MEF2A: variants seen among roughly 807,000 people sequenced by gnomAD.
MEF2A encodes myocyte-specific enhancer factor 2A.
MEF2A carries 28 observed loss-of-function variants against 55.8 expected under a neutral mutation model. That is an observed-to-expected ratio of 0.50 (90% confidence interval 0.37 to 0.69). The LOEUF is 0.69. Among genes scored for constraint, MEF2A ranks in the 30% least tolerant of loss-of-function variants. The probability of loss-of-function intolerance (pLI) is 0.00; values close to 1 mark genes in which losing one functional copy is unlikely to be tolerated. For synonymous variants in MEF2A, 239 were observed against 227.1 expected (o/e 1.05, Z -0.47); for missense variants, 528 against 626.2 (o/e 0.84, Z 1.67).
At chr15:99,597,078 G>T (rs1439065658) in intron 1 of MEF2A, among the ~76,000 whole-genome samples, 5 of 152,178 alleles carry the variant, frequency 3.3e-5, no homozygotes, top group Non-Finnish European at 7.4e-5. Flanking sequence ...AGTATGAAAT[G>T]TGGGCACCTT....
At chr15:99,575,968 T>A (rs927974100) in intron 1 of MEF2A, among the ~76,000 whole-genome samples, 1 of 152,384 alleles carries the variant, frequency 6.6e-6, no homozygotes, top group Admixed American at 6.5e-5. Flanking sequence ...TGTTTTAACA[T>A]GCCCCCATCA....
In MEF2A at chr15:99,593,655, C is replaced by G. The variant is rs748352671; in HGVS notation, c.-224-4775C>G. On this transcript the variant is annotated intron_variant, in intron 1 of 11. Coordinates refer to ENST00000557942, the MANE Select transcript of MEF2A (RefSeq NM_001319206.4). ...TTGTTTTCTTTGACACTGCATTATG[C>G]TCAGTACAGAAGCATCCAGTGAAAT... Among the ~76,000 whole-genome samples, 10 of 152,262 alleles carry G rather than the reference C, an allele frequency of 6.6e-5. 1 individual carries two copies. In the Middle Eastern group the frequency reaches 0.01, roughly 156 times the overall value.
intron 2 of MEF2A, among the ~76,000 whole-genome samples, chr15:99,623,471 C>T (rs761019912): frequency 2.6e-5 from 4 of 152,152 alleles, no homozygotes; most frequent in African/African-American, 9.7e-5. Context: ...TCTGAGCAAA[C>T]GCCATACTGT....
At chr15:99,647,916 AAG>A (rs1420852679) in intron 4 of MEF2A, among the ~76,000 whole-genome samples, 2 of 152,296 alleles carry the variant, frequency 1.3e-5, no homozygotes, top group East Asian at 3.9e-4. Flanking sequence ...AACTTTTATT[AAG>A]AGAGTGGTTG....
chr15:99,679,139 T>G (rs2052707799), intron 7 of MEF2A, among the ~76,000 whole-genome samples: 1 of 152,128 alleles, frequency 6.6e-6, no homozygotes. Context: ...GTAATGGGAG[T>G]ACAAGTTGTT....
At chr15:99,671,227 T>G in intron 4 of MEF2A, 96 bp from the exon 5 acceptor site, 1 of 1,357,730 alleles carries the variant, frequency 7.4e-7, no homozygotes, top group Non-Finnish European at 1.0e-6. Context: ...CTTGTATAAT[T>G]CAGTTCATTC....
intron 1 of MEF2A, among the ~76,000 whole-genome samples, chr15:99,588,202 G>A (rs1045375535): frequency 1.3e-5 from 2 of 151,058 alleles, no homozygotes; most frequent in South Asian, 2.1e-4. Flanking sequence ...CTGCAGCCTC[G>A]ACTGCCTGGG....
At chr15:99,701,019 A>G (rs2153786529) in intron 8 of MEF2A, among the ~76,000 whole-genome samples, 1 of 152,360 alleles carries the variant, frequency 6.6e-6, no homozygotes, top group African/African-American at 2.4e-5. Context: ...TACAATGGTA[A>G]TTGTTGCAGG....
chr15:99,693,578 C>T (rs182589316), intron 8 of MEF2A, among the ~76,000 whole-genome samples: 1 of 152,152 alleles, frequency 6.6e-6, no homozygotes, highest in African/African-American at 2.4e-5. Flanking sequence ...ACTATTCAAG[C>T]GAGAAAAAGG....
Position 99,622,239 on chromosome 15 carries a change from A to G in MEF2A, c.-142-10739A>G, listed in dbSNP as rs193262981. On this transcript the variant is annotated intron_variant, in intron 2 of 11. Transcript: ENST00000557942. ...TTACCTGAGTATTCAGTTTAAAGTA[A>G]TTTTTTCCTGCATTCCTGTTGCCTG... Among the ~76,000 whole-genome samples, 11 of 152,170 alleles carry G rather than the reference A, an allele frequency of 7.2e-5. 1 individual carries two copies. Among genetic ancestry groups the G allele is most frequent in the Admixed American group, 7.2e-4 (11 of 15,276 alleles).
chr15:99,675,440 G>T lies in MEF2A; in HGVS notation c.652G>T (p.Ala218Ser), dbSNP rs377207410. The stretch of plus-strand genomic sequence containing the variant: ...TACAGACCTCACAGTGCCAAATGGA[G>T]CTGGAAGCAGTCCAGTGGGTGAGTG... ...STTDLTVPNGAGSSPVGNGFV... is the reference protein window; with the variant it reads ...STTDLTVPNGSGSSPVGNGFV... The change falls in exon 7 of 12, where the codon GCT becomes TCT. Residue 218 changes from alanine (A) to serine (S), a missense_variant. Ala to Ser is a moderately conservative substitution (Grantham distance 99). Coordinates refer to ENST00000557942, the MANE Select transcript of MEF2A (RefSeq NM_001319206.4). The T allele has an allele frequency of 6.2e-7, 1 of 1,613,940 alleles. No homozygotes were observed.
At chr15:99,697,328 T>C (rs1236725389) in intron 8 of MEF2A, among the ~76,000 whole-genome samples, 2 of 152,070 alleles carry the variant, frequency 1.3e-5, no homozygotes, top group African/African-American at 2.4e-5. Flanking sequence ...GATTCTTTCA[T>C]GTAGAAAAGT....
At chr15:99,676,312 G>GTAT (rs1366873356) in intron 7 of MEF2A, among the ~76,000 whole-genome samples, 1 of 151,916 alleles carries the variant, frequency 6.6e-6, no homozygotes, top group Non-Finnish European at 1.5e-5. Flanking sequence ...TGCTACTCTT[G>GTAT]TATGTGTATT....
chr15:99,570,461 A>T (rs1961711374), intron 1 of MEF2A, among the ~76,000 whole-genome samples: 1 of 152,226 alleles, frequency 6.6e-6, no homozygotes, highest in Admixed American at 6.5e-5. Context: ...TCTCACCATT[A>T]TTAAAATTAT....
intron 1 of MEF2A, among the ~76,000 whole-genome samples, chr15:99,566,312 GC>G (rs1357405370): frequency 2.0e-5 from 3 of 149,428 alleles, no homozygotes; most frequent in Non-Finnish European, 4.5e-5. Context: ...TCGCGCATTG[GC>G]GGGGCGGGTA....
chr15:99,677,858 G>A (rs985294989), intron 7 of MEF2A, among the ~76,000 whole-genome samples: 1 of 152,122 alleles, frequency 6.6e-6, no homozygotes, highest in Non-Finnish European at 1.5e-5. Flanking sequence ...CATAAAGTAG[G>A]TAGAACCAAA....
At chr15:99,645,470 C>A in intron 3 of MEF2A, 91 bp from the exon 4 acceptor site, 1 of 933,192 alleles carries the variant, frequency 1.1e-6, no homozygotes, top group Non-Finnish European at 1.6e-6. Flanking sequence ...TGAAATCTGG[C>A]TCAGTATTAA....
intron 2 of MEF2A, among the ~76,000 whole-genome samples, chr15:99,621,287 C>G (rs1174469299): frequency 6.6e-6 from 1 of 152,156 alleles, no homozygotes; most frequent in Non-Finnish European, 1.5e-5. Flanking sequence ...CAGGCCACCT[C>G]TGTAGGCTTC....
chr15:99,706,764 A>G lies in MEF2A; in HGVS notation c.918A>G (p.Gln306=), dbSNP rs571999446. The G allele has an allele frequency of 1.1e-5, 17 of 1,613,794 alleles. No individual in the cohort carries two copies. The African/African-American group carries it at 1.6e-4, about 15-fold the overall frequency. Residue 306 remains glutamine, a synonymous_variant, in exon 10 of 12, where the codon CAA becomes CAG. Coordinates refer to ENST00000557942, the MANE Select transcript of MEF2A (RefSeq NM_001319206.4). The part of the protein sequence containing the change: ...TQRISSSQAT[Q]PLATPVVSVT... Reference sequence around the variant, plus strand: ...GGATCAGTAGTTCTCAAGCCACTCAACCTCTTGCTACCCCAGTCGTGTCTG... The same window carrying G: ...GGATCAGTAGTTCTCAAGCCACTCAGCCTCTTGCTACCCCAGTCGTGTCTG...
Sources: allele counts gnomAD v4.1 joint callset (sites outside exome capture counted in the v4.1 genomes callset), GRCh38; gene constraint gnomAD v4.1.1; transcripts MANE v1.5; gene names NCBI Gene and HGNC (gene_info 2026-07-23, HGNC 2026-07-21).